Variants in IPCEF1 observed in about 807,000 individuals in gnomAD.
The protein encoded by IPCEF1 is interaction protein for cytohesin exchange factors 1.
In IPCEF1, 31 loss-of-function variants were observed where a neutral mutation model predicts 50.9. The ratio of observed to expected loss-of-function variants is 0.61; its 90% CI spans 0.46 to 0.82. The LOEUF is 0.82. Among genes scored for constraint, IPCEF1 ranks in the 40% least tolerant of loss-of-function variants. IPCEF1 has a pLI of 0.00. For missense variants in IPCEF1, 458 were observed against 514.0 expected (o/e 0.89, Z 1.05); for synonymous variants, 181 against 192.0 (o/e 0.94, Z 0.47).
intron 5 of IPCEF1, among the ~76,000 whole-genome samples, chr6:154,238,970 T>C (rs1449317766): frequency 6.6e-6 from 1 of 152,068 alleles, no homozygotes; most frequent in Non-Finnish European, 1.5e-5. Flanking sequence ...ACAAAAGTAC[T>C]ATGCACTGTC....
chr6:154,296,528 ATGT>A (rs1482935738), intron 1 of IPCEF1, among the ~76,000 whole-genome samples: 2 of 152,094 alleles, frequency 1.3e-5, no homozygotes, highest in Non-Finnish European at 2.9e-5. Context: ...ACCACCTAAA[ATGT>A]TGTTAAAATG....
In IPCEF1 at chr6:154,246,604, T is replaced by A. The variant is rs981730376; in HGVS notation, c.233A>T (p.Tyr78Phe). The A allele has an allele frequency of 3.1e-6, 5 of 1,613,252 alleles. No homozygotes were observed. Among genetic ancestry groups the A allele is most frequent in the Non-Finnish European group, 4.2e-6 (5 of 1,179,586 alleles). The change falls in exon 5 of 12, where the codon TAT becomes TTT. Residue 78 changes from tyrosine (Y) to phenylalanine (F), a missense_variant. Transcript: ENST00000367220. ...AAGCAGACTCACCATTTGATTGCTA[T>A]ACCAGTACAGTGACGACCCCTTCAG... ...VILKGSSLYWYSNQMAEKADG... is the reference protein window; with the variant it reads ...VILKGSSLYWFSNQMAEKADG...
At chr6:154,270,603 T>G (rs1781876961) in intron 2 of IPCEF1, among the ~76,000 whole-genome samples, 1 of 152,232 alleles carries the variant, frequency 6.6e-6, no homozygotes, top group African/African-American at 2.4e-5. Context: ...CAATAATAAT[T>G]GTAATAATAA....
chr6:154,253,100 ATCTC>A (rs1781376381), intron 3 of IPCEF1, among the ~76,000 whole-genome samples: 1 of 152,098 alleles, frequency 6.6e-6, no homozygotes, highest in South Asian at 2.1e-4. Context: ...GTATACTGTT[ATCTC>A]TCTGTGTACT....
chr6:154,254,637 G>A (rs1188151704), intron 3 of IPCEF1, among the ~76,000 whole-genome samples: 1 of 152,134 alleles, frequency 6.6e-6, no homozygotes, highest in Non-Finnish European at 1.5e-5. Context: ...TGCTAATTTT[G>A]TTTTCCAAAT....
intron 3 of IPCEF1, 73 bp from the exon 4 acceptor site, chr6:154,247,561 G>A (rs922575264): frequency 3.4e-5 from 45 of 1,307,606 alleles, no homozygotes; most frequent in Non-Finnish European, 4.7e-5. Flanking sequence ...GAGAAGGAGG[G>A]AGGAGGTGGC....
chr6:154,314,690 G>GA (rs1478883972), intron 1 of IPCEF1, among the ~76,000 whole-genome samples: 1 of 152,060 alleles, frequency 6.6e-6, no homozygotes, highest in South Asian at 2.1e-4. Flanking sequence ...GTTTTCACAT[G>GA]AAAAACCGAA....
At position 154,199,842 on chromosome 6, in the gene IPCEF1, G is replaced by A; in HGVS notation, c.736C>T (p.His246Tyr). Residue 246 changes from histidine (H) to tyrosine (Y), a missense_variant, in exon 10 of 12, where the codon CAT becomes TAT. Physicochemically the swap from His to Tyr is moderately conservative, Grantham distance 83. Transcript: ENST00000367220. Reference protein sequence around the residue: ...GQPITFAVQVHSPVPSEAGIH... With the variant: ...GQPITFAVQVYSPVPSEAGIH... The stretch of plus-strand genomic sequence containing the variant: ...CCTGCCTCTGAGGGTACAGGTGAAT[G>A]AACTTGCACAGCAAACGTTATTGGT... 1 of 1,614,170 alleles carries A rather than the reference G, an allele frequency of 6.2e-7. No homozygotes were observed. The highest frequency in any genetic ancestry group is 8.5e-7 in the Non-Finnish European group (1 of 1,180,028).
chr6:154,246,501 C>A, intron 5 of IPCEF1, 90 bp downstream of exon 5: 2 of 1,408,774 alleles, frequency 1.4e-6, no homozygotes, highest in South Asian at 3.0e-5. Context: ...TCCCAGAAAT[C>A]AAAATGAACT....
chr6:154,291,884 C>T (rs1368346943), intron 1 of IPCEF1, among the ~76,000 whole-genome samples: 2 of 151,936 alleles, frequency 1.3e-5, no homozygotes, highest in East Asian at 1.9e-4. Flanking sequence ...GGGGTTTCAC[C>T]GTGTTAGCCA....
intron 3 of IPCEF1, among the ~76,000 whole-genome samples, chr6:154,252,186 C>T (rs1462489702): frequency 6.6e-6 from 1 of 152,114 alleles, no homozygotes; most frequent in Non-Finnish European, 1.5e-5. Flanking sequence ...GAATGACAAA[C>T]GCTCAACATC....
chr6:154,180,904 C>A (rs183916980), intron 10 of IPCEF1, among the ~76,000 whole-genome samples: 1 of 152,216 alleles, frequency 6.6e-6, no homozygotes, highest in African/African-American at 2.4e-5. Context: ...TAGAAAACAG[C>A]GTTTCCTGTT....
At chr6:154,186,852 G>C (rs1222620972) in intron 10 of IPCEF1, among the ~76,000 whole-genome samples, 2 of 152,032 alleles carry the variant, frequency 1.3e-5, no homozygotes, top group Non-Finnish European at 2.9e-5. Flanking sequence ...CACCACGCCC[G>C]GCCCAGAGCA....
chr6:154,224,688 A>C (rs1779118384), intron 5 of IPCEF1, among the ~76,000 whole-genome samples: 1 of 152,114 alleles, frequency 6.6e-6, no homozygotes, highest in African/African-American at 2.4e-5. Context: ...TCCAGTCTGG[A>C]CAACAGAGTG....
intron 10 of IPCEF1, among the ~76,000 whole-genome samples, chr6:154,175,692 C>A (rs1413630087): frequency 6.6e-6 from 1 of 151,984 alleles, no homozygotes. Context: ...AGCCTACCAA[C>A]CAAAAAAAAT....
intron 10 of IPCEF1, among the ~76,000 whole-genome samples, chr6:154,198,450 T>G (rs570168236): frequency 4.7e-4 from 71 of 152,238 alleles, no homozygotes; most frequent in Middle Eastern, 3.4e-3. Flanking sequence ...CTCCAGTTCT[T>G]CTAATCTAGA....
intron 3 of IPCEF1, among the ~76,000 whole-genome samples, chr6:154,252,615 C>T (rs936639769): frequency 1.3e-4 from 20 of 152,004 alleles, no homozygotes; most frequent in African/African-American, 4.8e-4. Flanking sequence ...ACGGAGGCTG[C>T]AGTATGCCGA....
intron 1 of IPCEF1, among the ~76,000 whole-genome samples, chr6:154,310,066 C>T (rs113220214): frequency 0.025 from 3,817 of 152,176 alleles, 171 homozygotes; most frequent in African/African-American, 0.087. Flanking sequence ...ACCCGGCCGT[C>T]GCTGTGCATT....
At chr6:154,221,182 AT>A (rs1452348699) in intron 7 of IPCEF1, 74 bp downstream of exon 7, 1 of 1,040,588 alleles carries the variant, frequency 9.6e-7, no homozygotes, top group Admixed American at 2.0e-5. Context: ...TGGACATATG[AT>A]TAGAATTCCA....
Sources: gnomAD v4.1 joint callset for allele counts (sites outside exome capture counted in the v4.1 genomes callset) on GRCh38, gnomAD v4.1.1 for gene constraint, MANE v1.5 for transcripts, NCBI Gene and HGNC (gene_info 2026-07-23, HGNC 2026-07-21) for gene names.